Variants in NKAIN3 observed in about 807,000 individuals in gnomAD.
NKAIN3 encodes the protein sodium/potassium transporting ATPase interacting 3.
Under a neutral mutation model 30.2 loss-of-function variants are expected in NKAIN3, and 25 were observed. That is an observed-to-expected ratio of 0.83 (90% CI 0.60 to 1.16). The LOEUF (loss-of-function observed/expected upper bound fraction) is 1.16. Among genes scored for constraint, NKAIN3 ranks in the 50% most tolerant of loss-of-function variants. The pLI, the probability that NKAIN3 is intolerant of heterozygous loss-of-function variation, is 0.00. For missense variants in NKAIN3, 225 were observed against 254.1 expected (o/e 0.89, Z 0.78); for synonymous variants, 91 against 89.6 (o/e 1.02, Z -0.09).
chr8:62,627,464 G>T (rs903147651), intron 3 of NKAIN3, among the ~76,000 whole-genome samples: 2 of 152,056 alleles, frequency 1.3e-5, no homozygotes, highest in Non-Finnish European at 2.9e-5. Flanking sequence ...CTCTGCTGTG[G>T]TAAGGGTAAA....
intron 3 of NKAIN3, among the ~76,000 whole-genome samples, chr8:62,709,110 T>C (rs1814634147): frequency 6.6e-6 from 1 of 152,222 alleles, no homozygotes; most frequent in Non-Finnish European, 1.5e-5. Flanking sequence ...GATATATTGT[T>C]GGATTCAGTT....
chr8:62,491,963 A>G (rs778189761), intron 1 of NKAIN3, among the ~76,000 whole-genome samples: 14 of 152,110 alleles, frequency 9.2e-5, no homozygotes, highest in Non-Finnish European at 2.1e-4. Flanking sequence ...TCCTGAGAGG[A>G]TAAGTCAAGA....
intron 1 of NKAIN3, among the ~76,000 whole-genome samples, chr8:62,499,287 T>TAAAAAA (rs879858140): frequency 5.6e-4 from 86 of 152,272 alleles, no homozygotes; most frequent in Non-Finnish European, 1.1e-3. Flanking sequence ...TTGCTGCCTT[T>TAAAAAA]CTAGGATGGA....
intron 3 of NKAIN3, among the ~76,000 whole-genome samples, chr8:62,733,309 C>T (rs1815540449): frequency 2.0e-5 from 3 of 152,130 alleles, no homozygotes; most frequent in African/African-American, 7.2e-5. Context: ...TGCCTATCTT[C>T]TAGGACCTTC....
chr8:62,845,285 T>TTATATATATATATATATATATATATATA lies in NKAIN3; in HGVS notation c.472-73167_472-73140dup, dbSNP rs10525699. 1.0e-3 allele frequency among the ~76,000 whole-genome samples: 71 copies of TTATATATATATATATATATATATATATA among 68,870 alleles called. 6 individuals carry two copies. Among genetic ancestry groups the TTATATATATATATATATATATATATATA allele is most frequent in the African/African-American group, 1.3e-3 (27 of 20,526 alleles). The allele number at this position is 68,870 out of a possible 152,430, so 45.2% of individuals were successfully genotyped here. ...ATTCATTGACCTGCTGGATAGTAGA[T>TTATATATATATATATATATATATATATA]TATATATATATATATATATATATAT... On this transcript the variant is annotated intron_variant, in intron 4 of 6. Coordinates refer to ENST00000623646, the MANE Select transcript of NKAIN3 (RefSeq NM_001304533.3).
chr8:62,290,033 G>T (rs6415594), intron 1 of NKAIN3, among the ~76,000 whole-genome samples: 5,338 of 152,092 alleles, frequency 0.035, 341 homozygotes, highest in African/African-American at 0.12. Context: ...TCATGATTTG[G>T]CTCTCTGTTT....
At position 62,496,024 on chromosome 8, in the gene NKAIN3, G is replaced by C. The variant is rs190061113; in HGVS notation, c.55-83515G>C. Reference sequence around the variant, plus strand: ...ATTTTGACTACAGTAAATGTGCACTGAGTTTTGGGGCACATTTTGTGTGTA... The same window carrying C: ...ATTTTGACTACAGTAAATGTGCACTCAGTTTTGGGGCACATTTTGTGTGTA... On this transcript the variant is annotated intron_variant, in intron 1 of 6. Coordinates refer to ENST00000623646, the MANE Select transcript of NKAIN3 (RefSeq NM_001304533.3). 3.1e-3 allele frequency among the ~76,000 whole-genome samples: 465 copies of C among 152,248 alleles called. 1 individual carries two copies. Among genetic ancestry groups the C allele is most frequent in the Middle Eastern group, 6.8e-3 (2 of 294 alleles).
chr8:62,757,921 T>C (rs1381402925), intron 4 of NKAIN3, among the ~76,000 whole-genome samples: 1 of 152,136 alleles, frequency 6.6e-6, no homozygotes, highest in Non-Finnish European at 1.5e-5. Context: ...AGGTGACATA[T>C]ATGGAGTCCT....
chr8:62,796,688 G>C (rs1817871716), intron 4 of NKAIN3, among the ~76,000 whole-genome samples: 1 of 151,912 alleles, frequency 6.6e-6, no homozygotes, highest in African/African-American at 2.4e-5. Context: ...CTGTGCAGAG[G>C]AACAAGTATG....
At chr8:62,781,146 C>T (rs1266640285) in intron 4 of NKAIN3, among the ~76,000 whole-genome samples, 1 of 150,414 alleles carries the variant, frequency 6.6e-6, no homozygotes, top group African/African-American at 2.4e-5. Flanking sequence ...TTGAAATAGC[C>T]AAAAAGAAAT....
chr8:62,490,209 T>C (rs752440407), intron 1 of NKAIN3, among the ~76,000 whole-genome samples: 4 of 152,136 alleles, frequency 2.6e-5, no homozygotes, highest in Non-Finnish European at 5.9e-5. Flanking sequence ...TTGACTTTAA[T>C]GTGGCCAAGC....
chr8:62,325,222 G>A (rs1815075834), intron 1 of NKAIN3, among the ~76,000 whole-genome samples: 1 of 151,966 alleles, frequency 6.6e-6, no homozygotes, highest in Non-Finnish European at 1.5e-5. Flanking sequence ...AGAAGTAATA[G>A]CACACAATAT....
intron 4 of NKAIN3, among the ~76,000 whole-genome samples, chr8:62,879,994 G>A (rs1820925119): frequency 6.6e-6 from 1 of 152,164 alleles, no homozygotes; most frequent in South Asian, 2.1e-4. Flanking sequence ...AAGCAATGAA[G>A]AGGTGGCAGA....
chr8:62,956,879 A>T (rs1204984430), intron 6 of NKAIN3, among the ~76,000 whole-genome samples: 1 of 152,244 alleles, frequency 6.6e-6, no homozygotes, highest in African/African-American at 2.4e-5. Context: ...AGGAAATTTT[A>T]TGCGGGAGGG....
chr8:62,628,704 T>C (rs4738986), intron 3 of NKAIN3, among the ~76,000 whole-genome samples: 1 of 151,922 alleles, frequency 6.6e-6, no homozygotes, highest in African/African-American at 2.4e-5. Context: ...TTAATCACTG[T>C]TATCAGTTTC....
intron 3 of NKAIN3, among the ~76,000 whole-genome samples, chr8:62,675,801 C>T (rs1214130166): frequency 6.6e-6 from 1 of 152,224 alleles, no homozygotes; most frequent in Non-Finnish European, 1.5e-5. Flanking sequence ...ATCAAATCTA[C>T]CTGCCATCAT....
rs1296680477 is a variant in NKAIN3 at position 62,969,880 on chromosome 8, C to G, written c.*4473C>G. ...ACAGAGGAAAGTACTCTTCATATAACTGCACAGTGAACAATTTAGAAAGGG... is the reference window on the plus strand; with the variant it reads ...ACAGAGGAAAGTACTCTTCATATAAGTGCACAGTGAACAATTTAGAAAGGG... On this transcript the variant is annotated 3_prime_UTR_variant, in exon 7 of 7. Transcript: ENST00000623646. 6.6e-6 allele frequency among the ~76,000 whole-genome samples: 1 copy of G among 152,014 alleles called. No homozygotes were observed. The highest frequency in any genetic ancestry group is 1.5e-5 in the Non-Finnish European group (1 of 67,992).
chr8:62,987,328 C>T (rs908312834), downstream of NKAIN3, among the ~76,000 whole-genome samples: 4 of 152,016 alleles, frequency 2.6e-5, no homozygotes, highest in Non-Finnish European at 5.9e-5. Context: ...TGGAGAATCA[C>T]AGCTGCTTGG....
intron 4 of NKAIN3, among the ~76,000 whole-genome samples, chr8:62,916,115 C>G (rs950996294): frequency 6.8e-6 from 1 of 147,044 alleles, no homozygotes; most frequent in African/African-American, 2.6e-5. Context: ...TTCCAAAAAC[C>G]AATAATGTGT....
Sources: allele counts gnomAD v4.1 joint callset (sites outside exome capture counted in the v4.1 genomes callset), GRCh38; gene constraint gnomAD v4.1.1; transcripts MANE v1.5; gene names NCBI Gene and HGNC (gene_info 2026-07-23, HGNC 2026-07-21).